Variants in NBPF15 observed in about 807,000 individuals in gnomAD.
NBPF15 encodes NBPF family member NBPF15.
A neutral mutation model predicts 62.2 loss-of-function variants in NBPF15; 74 were observed. The ratio of observed to expected loss-of-function variants is 1.19; its 90% CI spans 0.99 to 1.44. NBPF15 has a LOEUF of 1.44. Ranked by LOEUF, NBPF15 falls within the 40% of genes most tolerant of loss-of-function variation. The pLI, the probability that NBPF15 is intolerant of heterozygous loss-of-function variation, is 0.00. For synonymous variants in NBPF15, 244 were observed against 209.7 expected, an observed-to-expected ratio of 1.16 and a Z score of -1.41; for missense variants, 790 against 550.0, an observed-to-expected ratio of 1.44 and a Z score of -4.36.
rs1255521545 is a variant in NBPF15, at chr1:144,422,623, T to C, written c.*390A>G. On this transcript the variant is annotated 3_prime_UTR_variant, in exon 22 of 22. Transcript: ENST00000581897. ...GACACAAAGAATGAGGTTAGGTTCA[T>C]TGAAACCAGGGTAACACCTTTGGAT... 2 of 323,808 alleles carry C rather than the reference T, an allele frequency of 6.2e-6. No individual in the cohort carries two copies. Among genetic ancestry groups the C allele is most frequent in the South Asian group, 3.1e-5 (1 of 32,678 alleles). 20.1% of individuals were successfully genotyped at this position (323,808 alleles called of 1,614,324 possible). A position where few individuals can be genotyped will look rare whatever the true frequency, so the allele number is the denominator to read the frequency against.
chr1:144,443,317 A>G (rs1186329566), intron 6 of NBPF15, among the ~76,000 whole-genome samples: 1 of 152,052 alleles, frequency 6.6e-6, no homozygotes, highest in Non-Finnish European at 1.5e-5. Context: ...TGATATATTT[A>G]TGAATACTTA....
chr1:144,427,721 G>T (rs1670800671), intron 16 of NBPF15, 97 bp downstream of exon 16: 4 of 611,622 alleles, frequency 6.5e-6, no homozygotes, highest in Admixed American at 2.9e-5. Context: ...CTGTGGCAAT[G>T]ACATCTCTCA....
chr1:144,423,059 G>A lies in NBPF15; in HGVS notation c.1967C>T (p.Thr656Ile). 4 of 1,611,616 alleles carry A rather than the reference G, an allele frequency of 2.5e-6. No homozygotes were observed. Among genetic ancestry groups the A allele is most frequent in the Non-Finnish European group, 3.4e-6 (4 of 1,179,634 alleles). Reference sequence around the variant, plus strand: ...CATCTGGAACACCAGGTGGAGACTTGTCACCGTCAAAGTAAAAAACCTATT... The same window carrying A: ...CATCTGGAACACCAGGTGGAGACTTATCACCGTCAAAGTAAAAAACCTATT... ...VDNRFFTLTV[T>I]SLHLVFQMGV... is the part of the protein sequence containing the mutation. The change falls in exon 22 of 22, where the codon ACA becomes ATA. Residue 656 changes from threonine to isoleucine, a missense_variant. By Grantham distance (89) the Thr-to-Ile change is moderately conservative (BLOSUM62 -1). Transcript: ENST00000581897.
At chr1:144,452,539 A>G (rs1285361525) in intron 4 of NBPF15, among the ~76,000 whole-genome samples, 1 of 151,516 alleles carries the variant, frequency 6.6e-6, no homozygotes, top group African/African-American at 2.4e-5. Flanking sequence ...AACAGGTTCA[A>G]GGGAATTTGG....
intron 13 of NBPF15, among the ~76,000 whole-genome samples, chr1:144,432,678 AC>A (rs1482724758): frequency 6.6e-6 from 1 of 151,994 alleles, no homozygotes. Context: ...GATAAAACAG[AC>A]TTTAAACCAA....
At chr1:144,451,327 GCTTTACA>G (rs2102664484) in intron 4 of NBPF15, among the ~76,000 whole-genome samples, 1 of 151,806 alleles carries the variant, frequency 6.6e-6, no homozygotes, top group South Asian at 2.1e-4. Flanking sequence ...ATACAATCGG[GCTTTACA>G]CCGAGACATT....
At chr1:144,431,324 G>T (rs1553540189) in intron 13 of NBPF15, among the ~76,000 whole-genome samples, 3 of 150,206 alleles carry the variant, frequency 2.0e-5, no homozygotes, top group Non-Finnish European at 4.4e-5. Context: ...CAGCCAGAGA[G>T]AAAGGTCGGA....
At chr1:144,433,037 T>C (rs1276695421) in intron 13 of NBPF15, among the ~76,000 whole-genome samples, 1 of 151,874 alleles carries the variant, frequency 6.6e-6, no homozygotes, top group Non-Finnish European at 1.5e-5. Context: ...TATTCCAAAA[T>C]TGACCACATA....
In NBPF15 at chr1:144,460,922, G is replaced by T. The variant is rs587724419; in HGVS notation, c.-898C>A. 1.3e-5 allele frequency: 2 copies of T among 151,900 alleles called. No individual in the cohort carries two copies. The highest frequency in any genetic ancestry group is 3.9e-4 in the East Asian group (2 of 5,140). The allele number at this position is 151,900 out of a possible 1,614,324, so 9.4% of individuals were successfully genotyped here. On this transcript the variant is annotated 5_prime_UTR_variant, in exon 2 of 22. It introduces an in-frame stop codon into an upstream open reading frame of the 5' UTR. Coordinates refer to ENST00000581897, the MANE Select transcript of NBPF15 (RefSeq NM_001385408.1). ...TGACTGCTACAAACGCTCCTCATGTGCATCCTGGACTTGGTACACCCGGCT... is the reference window on the plus strand; with the variant it reads ...TGACTGCTACAAACGCTCCTCATGTTCATCCTGGACTTGGTACACCCGGCT...
At chr1:144,433,168 C>G (rs1448029815) in intron 13 of NBPF15, among the ~76,000 whole-genome samples, 1 of 152,040 alleles carries the variant, frequency 6.6e-6, no homozygotes, top group Non-Finnish European at 1.5e-5. Flanking sequence ...CGCACAACTA[C>G]ATGGAAACTC....
chr1:144,436,878 G>C lies in NBPF15; in HGVS notation c.493+17C>G. The C allele has an allele frequency of 6.2e-7, 1 of 1,611,668 alleles. No homozygotes were observed. Among genetic ancestry groups the C allele is most frequent in the South Asian group, 1.1e-5 (1 of 90,964 alleles). ...AAGCCTGGGATTTTGGGTCATCAGG[G>C]CCTATGGCCACCTTACCTGGGCTGA... is the stretch of plus-strand genomic sequence containing the variant. On this transcript the variant is annotated intron_variant, in intron 10 of 21. Coordinates refer to ENST00000581897, the MANE Select transcript of NBPF15 (RefSeq NM_001385408.1).
intron 3 of NBPF15, among the ~76,000 whole-genome samples, chr1:144,458,736 C>T (rs1553547673): frequency 1.3e-5 from 2 of 152,040 alleles, no homozygotes; most frequent in East Asian, 1.9e-4. Context: ...CAGACACATC[C>T]ATGTAGTAAA....
At chr1:144,437,325 T>A (rs1679248698) in intron 9 of NBPF15, among the ~76,000 whole-genome samples, 1 of 151,614 alleles carries the variant, frequency 6.6e-6, no homozygotes, top group Non-Finnish European at 1.5e-5. Flanking sequence ...TCCTCGATGA[T>A]GTTCCATTCA....
At chr1:144,434,978 A>T (rs1677146611) in intron 12 of NBPF15, 133 bp downstream of exon 12, 4 of 1,536,088 alleles carry the variant, frequency 2.6e-6, no homozygotes, top group Admixed American at 3.6e-5. Context: ...AGGACAAAAA[A>T]ACTCCCTGAT....
chr1:144,442,176 A>G (rs1291041719), intron 6 of NBPF15, among the ~76,000 whole-genome samples: 2 of 111,516 alleles, frequency 1.8e-5, no homozygotes, highest in African/African-American at 7.6e-5. Context: ...ATATATATAT[A>G]TATAATATAT....
Position 144,423,022 on chromosome 1 carries a change from G to C in NBPF15, c.2004C>G (p.Phe668Leu). 6.2e-7 allele frequency: 1 copy of C among 1,611,644 alleles called. No individual in the cohort carries two copies. Among genetic ancestry groups the C allele is most frequent in the Non-Finnish European group, 8.5e-7 (1 of 1,179,628 alleles). Residue 668 changes from phenylalanine to leucine, a missense_variant, in exon 22 of 22, where the codon TTC (phenylalanine) becomes TTG (leucine). Coordinates refer to ENST00000581897, the MANE Select transcript of NBPF15 (RefSeq NM_001385408.1). ...LHLVFQMGVIFPQ is the reference protein window; with the variant it reads ...LHLVFQMGVILPQ The stretch of plus-strand genomic sequence containing the variant: ...GCTTAGTAAGAGCTGCTTATTGTGG[G>C]AATATGACTCCCATCTGGAACACCA...
chr1:144,427,172 C>T (rs1670340937), intron 16 of NBPF15, 74 bp from the exon 17 acceptor site: 12 of 580,542 alleles, frequency 2.1e-5, no homozygotes, highest in Non-Finnish European at 3.6e-5. Context: ...CTGTCTAATC[C>T]TCACACAGGG....
At chr1:144,453,256 G>C (rs1287138958) in intron 4 of NBPF15, among the ~76,000 whole-genome samples, 17 of 151,184 alleles carry the variant, frequency 1.1e-4, no homozygotes, top group Non-Finnish European at 2.4e-4. Flanking sequence ...TTTCCAACTA[G>C]TGGTGCTAGA....
In NBPF15 at chr1:144,428,032, C is replaced by G. The variant is rs1180979892; in HGVS notation, c.1041-42G>C. On this transcript the variant is annotated intron_variant, in intron 15 of 21. Coordinates refer to ENST00000581897, the MANE Select transcript of NBPF15 (RefSeq NM_001385408.1). ...AAGTAAAGAATAAGCCAGGGGGAAT[C>G]AGAAACCACACAGTCCCAGCTAGAT... The G allele has an allele frequency of 9.3e-5, 72 of 773,102 alleles. 1 individual carries two copies. Among genetic ancestry groups the G allele is most frequent in the Non-Finnish European group, 1.2e-4 (48 of 417,224 alleles). 47.9% of individuals were successfully genotyped at this position (773,102 alleles called of 1,614,324 possible).
Sources: allele counts gnomAD v4.1 joint callset (sites outside exome capture counted in the v4.1 genomes callset), GRCh38; gene constraint gnomAD v4.1.1; transcripts MANE v1.5; gene names NCBI Gene and HGNC (gene_info 2026-07-23, HGNC 2026-07-21).